CCDC102B: variants seen among roughly 807,000 people sequenced by gnomAD.
CCDC102B encodes coiled-coil domain-containing protein 102B.
A neutral mutation model predicts 57.4 loss-of-function variants in CCDC102B; 75 were observed. That is an observed-to-expected ratio of 1.31 (90% CI 1.08 to 1.58). The LOEUF (loss-of-function observed/expected upper bound fraction) is 1.58. Ranked by LOEUF, CCDC102B falls within the 40% of genes most tolerant of loss-of-function variation. The pLI is 0.00. For missense variants in CCDC102B, 636 were observed against 582.6 expected, an observed-to-expected ratio of 1.09 and a Z score of -0.94; for synonymous variants, 206 against 201.9, an observed-to-expected ratio of 1.02 and a Z score of -0.17.
intron 2 of CCDC102B, among the ~76,000 whole-genome samples, chr18:68,731,844 T>G (rs924797481): frequency 6.8e-6 from 1 of 147,606 alleles, no homozygotes; most frequent in Non-Finnish European, 1.5e-5. Context: ...CCATTTCTAC[T>G]TCAGTAAAAG....
rs143993918 is a variant in CCDC102B at position 68,782,448 on chromosome 18, G to A, written c.-66-40918G>A. ...TTTGAAGTCAATACAAGCTATGTCT[G>A]TGTATAGGAAAGTATGCCATGGAAA... On this transcript the variant is annotated intron_variant, in intron 2 of 3. Coordinates refer to the CCDC102B transcript ENST00000578970. 1.4e-4 allele frequency among the ~76,000 whole-genome samples: 22 copies of A among 152,236 alleles called. No homozygotes were observed. In the East Asian group the frequency reaches 3.7e-3, roughly 25 times the overall value.
At chr18:68,724,106 G>T (rs1474979352) in intron 2 of CCDC102B, among the ~76,000 whole-genome samples, 3 of 152,202 alleles carry the variant, frequency 2.0e-5, no homozygotes, top group African/African-American at 7.2e-5. Context: ...ATCGTCAGAA[G>T]CAATTTCCCA....
rs897000738 is a variant in CCDC102B, at chr18:69,054,448, GA to G, written c.*316del. 14 of 1,029,820 alleles carry G rather than the reference GA, an allele frequency of 1.4e-5. No homozygotes were observed. The Admixed American group carries it at 7.4e-4, about 55-fold the overall frequency. The allele number at this position is 1,029,820 out of a possible 1,614,324, so 63.8% of individuals were successfully genotyped here. ...TCTGAAAGAGTTATAATATCGGTAA[GA>G]AAAAGTAAGTTGAAAACCATACAAG... is the stretch of plus-strand genomic sequence containing the variant. On this transcript the variant is annotated 3_prime_UTR_variant, in exon 8 of 8. Transcript: ENST00000360242.
chr18:68,875,717 C>T (rs1224445405), intron 5 of CCDC102B, among the ~76,000 whole-genome samples: 2 of 151,912 alleles, frequency 1.3e-5, no homozygotes, highest in Non-Finnish European at 2.9e-5. Flanking sequence ...GTGTCAGTCT[C>T]CAGATTAAAA....
intron 4 of CCDC102B, among the ~76,000 whole-genome samples, chr18:68,846,713 T>G (rs1012108446): frequency 1.3e-5 from 2 of 151,876 alleles, no homozygotes; most frequent in African/African-American, 4.8e-5. Context: ...TGTTTTGATA[T>G]CCATATTGAT....
At chr18:68,958,843 AT>A (rs1320546893) in intron 6 of CCDC102B, among the ~76,000 whole-genome samples, 1 of 152,024 alleles carries the variant, frequency 6.6e-6, no homozygotes, top group Non-Finnish European at 1.5e-5. Flanking sequence ...TTTCTGCTTG[AT>A]TCTTTTTAGT....
chr18:68,952,613 T>A (rs2049729934), intron 6 of CCDC102B, among the ~76,000 whole-genome samples: 1 of 152,042 alleles, frequency 6.6e-6, no homozygotes, highest in Non-Finnish European at 1.5e-5. Flanking sequence ...GGGCCTGTGG[T>A]AAAGAGAAAA....
intron 2 of CCDC102B, among the ~76,000 whole-genome samples, chr18:68,748,718 A>G (rs2033727248): frequency 6.6e-6 from 1 of 152,062 alleles, no homozygotes. Context: ...CCCTTTTTCA[A>G]CCTAGCTAAA....
At position 68,897,319 on chromosome 18, in the gene CCDC102B, T is replaced by C. The variant is rs145316859; in HGVS notation, c.1154T>C (p.Ile385Thr). The change falls in exon 6 of 8, where the codon ATC becomes ACC. Residue 385 changes from isoleucine to threonine, a missense_variant. Physicochemically the swap from Ile to Thr is moderately conservative, Grantham distance 89. Transcript: ENST00000360242. Reference protein sequence around the residue: ...GLERENRRLKIQVKEMEELLD... With the variant: ...GLERENRRLKTQVKEMEELLD... ...GAGAGAGAAAATAGAAGGCTGAAGATCCAGGTGAAAGAAATGGAAGAGCTT... is the reference window on the plus strand; with the variant it reads ...GAGAGAGAAAATAGAAGGCTGAAGACCCAGGTGAAAGAAATGGAAGAGCTT... The C allele has an allele frequency of 3.6e-5, 58 of 1,612,948 alleles. No homozygotes were observed. The highest frequency in any genetic ancestry group is 4.8e-5 in the Non-Finnish European group (57 of 1,179,190).
At chr18:68,767,451 GTTCTCAAGACTT>G (rs2034506471) in intron 2 of CCDC102B, among the ~76,000 whole-genome samples, 1 of 152,206 alleles carries the variant, frequency 6.6e-6, no homozygotes, top group Non-Finnish European at 1.5e-5. Flanking sequence ...CTGTCACCTT[GTTCTCAAGACTT>G]CTGACCTCCA....
At chr18:68,919,131 A>G (rs1003884326) in intron 6 of CCDC102B, among the ~76,000 whole-genome samples, 16 of 152,102 alleles carry the variant, frequency 1.1e-4, no homozygotes, top group Non-Finnish European at 2.1e-4. Flanking sequence ...GATGTATTCT[A>G]TGATACATAT....
At chr18:68,719,329 C>T (rs921699461) in intron 2 of CCDC102B, among the ~76,000 whole-genome samples, 2 of 152,140 alleles carry the variant, frequency 1.3e-5, no homozygotes, top group African/African-American at 2.4e-5. Flanking sequence ...AAGTCTTAAT[C>T]TTCCATCTGC....
chr18:68,734,463 AG>A (rs1175015629), intron 2 of CCDC102B, among the ~76,000 whole-genome samples: 1 of 152,222 alleles, frequency 6.6e-6, no homozygotes, highest in Non-Finnish European at 1.5e-5. Context: ...GACAACAACA[AG>A]GGATTATAGT....
chr18:68,933,632 A>G (rs903594186), intron 6 of CCDC102B, among the ~76,000 whole-genome samples: 2 of 151,896 alleles, frequency 1.3e-5, no homozygotes, highest in African/African-American at 4.8e-5. Flanking sequence ...ATTTTGTGAT[A>G]ATATATTGGA....
chr18:68,902,432 ATC>A (rs2040487506), intron 6 of CCDC102B, among the ~76,000 whole-genome samples: 1 of 152,224 alleles, frequency 6.6e-6, no homozygotes, highest in African/African-American at 2.4e-5. Context: ...ATTCCCTAGT[ATC>A]TCTCAGTCCC....
At position 68,837,231 on chromosome 18, in the gene CCDC102B, G is replaced by C; in HGVS notation, c.468G>C (p.Gln156His). The C allele has an allele frequency of 6.2e-7, 1 of 1,614,114 alleles. No individual in the cohort carries two copies. The highest frequency in any genetic ancestry group is 8.5e-7 in the Non-Finnish European group (1 of 1,180,018). Reference sequence around the variant, plus strand: ...AGGCATTAGAAGCTAAAGTTACCCAGGATCTGAAGCTTCCTGGCTTCGTAG... The same window carrying C: ...AGGCATTAGAAGCTAAAGTTACCCACGATCTGAAGCTTCCTGGCTTCGTAG... The part of the protein sequence containing the change: ...QKEALEAKVT[Q>H]DLKLPGFVEE... The change falls in exon 2 of 8, where the codon CAG (glutamine) becomes CAC (histidine). Residue 156 changes from glutamine to histidine, a missense_variant. Coordinates refer to ENST00000360242, the MANE Select transcript of CCDC102B (RefSeq NM_024781.3).
chr18:68,947,221 T>C (rs1467853674), intron 6 of CCDC102B, among the ~76,000 whole-genome samples: 4 of 151,886 alleles, frequency 2.6e-5, no homozygotes, highest in African/African-American at 7.2e-5. Context: ...GCCTACAACT[T>C]CCGGAACAAC....
intron 2 of CCDC102B, among the ~76,000 whole-genome samples, chr18:68,723,014 T>TA (rs1213906894): frequency 2.0e-5 from 3 of 151,232 alleles, no homozygotes; most frequent in Non-Finnish European, 4.4e-5. Context: ...GGGTAATTTA[T>TA]AAAAAAAGGA....
chr18:68,766,614 C>T (rs1285470791), intron 2 of CCDC102B, among the ~76,000 whole-genome samples: 1 of 152,198 alleles, frequency 6.6e-6, no homozygotes, highest in Non-Finnish European at 1.5e-5. Context: ...GCAGATCATA[C>T]AGCACAGGAA....
Sources: allele counts gnomAD v4.1 joint callset (sites outside exome capture counted in the v4.1 genomes callset), GRCh38; gene constraint gnomAD v4.1.1; transcripts MANE v1.5; gene names NCBI Gene and HGNC (gene_info 2026-07-23, HGNC 2026-07-21).